The following CHRNB4 variants were observed in gnomAD, a reference collection of about 807,000 sequenced individuals.
CHRNB4 encodes the protein neuronal acetylcholine receptor subunit beta-4.
A neutral mutation model predicts 40.4 loss-of-function variants in CHRNB4; 23 were observed. The observed-to-expected ratio is 0.57, with a 90% CI of 0.41 to 0.81. CHRNB4 has a LOEUF of 0.81. Ranked by LOEUF, CHRNB4 falls within the 30% of genes least tolerant of loss-of-function variation. The pLI is 0.00. For synonymous variants in CHRNB4, 285 were observed against 274.4 expected, an observed-to-expected ratio of 1.04 and a Z score of -0.38; for missense variants, 568 against 670.6, an observed-to-expected ratio of 0.85 and a Z score of 1.69.
At chr15:78,658,028 CTTTTTTTTTTTT>C (rs71448810) in intron 2 of CHRNB4, among the ~76,000 whole-genome samples, 17 of 90,512 alleles carry the variant, frequency 1.9e-4, no homozygotes, top group Admixed American at 1.5e-3. Flanking sequence ...TCTTGTTTCT[CTTTTTTTTTTTT>C]TTTTTTTTTT....
intron 3 of CHRNB4, among the ~76,000 whole-genome samples, chr15:78,657,109 C>T (rs2054220926): frequency 6.6e-6 from 1 of 151,940 alleles, no homozygotes; most frequent in South Asian, 2.1e-4. Flanking sequence ...ACTGTAACCT[C>T]TGCCTCCTAG....
chr15:78,648,901 C>T (rs1234251698), intron 7 of CHRNB4, among the ~76,000 whole-genome samples: 1 of 152,138 alleles, frequency 6.6e-6, no homozygotes, highest in Non-Finnish European at 1.5e-5. Flanking sequence ...ACCTCAGCCT[C>T]CCAAGTAGCT....
At chr15:78,630,002 G>C in intron 4 of CHRNB4, 57 bp from the exon 5 acceptor site, 1 of 1,497,970 alleles carries the variant, frequency 6.7e-7, no homozygotes, top group Non-Finnish European at 8.8e-7. Context: ...AACCTGGCCT[G>C]TTCTCAGAAC....
intron 1 of CHRNB4, among the ~76,000 whole-genome samples, chr15:78,640,451 G>A (rs2054045563): frequency 6.6e-6 from 1 of 152,242 alleles, no homozygotes. Flanking sequence ...GGTGACCAGA[G>A]GCAGCGGTGC....
At chr15:78,648,238 A>G (rs2054142414) in intron 7 of CHRNB4, among the ~76,000 whole-genome samples, 1 of 151,294 alleles carries the variant, frequency 6.6e-6, no homozygotes, top group Non-Finnish European at 1.5e-5. Flanking sequence ...CTAAAAATAC[A>G]AAAAATTAGC....
At chr15:78,634,129 T>G (rs574372240) in intron 2 of CHRNB4, among the ~76,000 whole-genome samples, 2 of 152,152 alleles carry the variant, frequency 1.3e-5, no homozygotes, top group Non-Finnish European at 2.9e-5. Context: ...ACCCACAACC[T>G]AATATTTACT....
intron 5 of CHRNB4, chr15:78,655,472 C>CTA (rs908391237): frequency 6.7e-6 from 1 of 148,192 alleles, no homozygotes; most frequent in African/African-American, 2.5e-5. Flanking sequence ...ATATCTATAT[C>CTA]TATATATATC....
intron 1 of CHRNB4, among the ~76,000 whole-genome samples, chr15:78,639,124 A>G (rs905595242): frequency 6.6e-6 from 1 of 152,234 alleles, no homozygotes; most frequent in Admixed American, 6.5e-5. Context: ...TTTGTATTGA[A>G]AAAATGGAAA....
intron 1 of CHRNB4, among the ~76,000 whole-genome samples, chr15:78,640,492 C>T (rs1006594527): frequency 4.6e-5 from 7 of 152,358 alleles, no homozygotes; most frequent in Admixed American, 1.3e-4. Flanking sequence ...AGATCCACCC[C>T]CAAAGCACAA....
chr15:78,628,521 A>C (rs369447822), intron 5 of CHRNB4, among the ~76,000 whole-genome samples: 12 of 152,148 alleles, frequency 7.9e-5, no homozygotes, highest in African/African-American at 2.9e-4. Flanking sequence ...TCCTTTAGGG[A>C]ATGGGGGCTG....
chr15:78,632,713 A>T (rs1294148917), intron 2 of CHRNB4, among the ~76,000 whole-genome samples: 1 of 152,168 alleles, frequency 6.6e-6, no homozygotes, highest in Non-Finnish European at 1.5e-5. Flanking sequence ...TGAGAAAATA[A>T]GGCAGATAGA....
intron 2 of CHRNB4, among the ~76,000 whole-genome samples, chr15:78,657,585 A>G (rs1210302747): frequency 6.6e-6 from 1 of 150,686 alleles, no homozygotes; most frequent in Non-Finnish European, 1.5e-5. Context: ...ACGGAGTCTC[A>G]CTCTGTCACC....
chr15:78,659,924 A>G (rs755477823), intron 1 of CHRNB4, among the ~76,000 whole-genome samples: 5 of 152,078 alleles, frequency 3.3e-5, no homozygotes, highest in Non-Finnish European at 5.9e-5. Flanking sequence ...GCTAGAGATG[A>G]TGATGGGTGC....
chr15:78,630,324 G>C (rs2053776288), intron 4 of CHRNB4, among the ~76,000 whole-genome samples: 2 of 151,918 alleles, frequency 1.3e-5, no homozygotes, highest in Admixed American at 1.3e-4. Context: ...TTTTAGTAGA[G>C]ACGGGGTTTC....
intron 6 of CHRNB4, among the ~76,000 whole-genome samples, chr15:78,651,342 G>A (rs1162757127): frequency 6.6e-6 from 1 of 152,242 alleles, no homozygotes; most frequent in East Asian, 1.9e-4. Context: ...GACAGATGTA[G>A]TGGTGCTGGC....
upstream of CHRNB4, chr15:78,641,333 C>T (rs904574702): frequency 2.0e-6 from 1 of 497,430 alleles, no homozygotes; most frequent in African/African-American, 2.1e-5. Context: ...CCCCGACGCC[C>T]CCTGGGTGGT....
At chr15:78,643,822 C>T (rs2089797488), upstream of CHRNB4, among the ~76,000 whole-genome samples, 2 of 151,974 alleles carry the variant, frequency 1.3e-5, no homozygotes, top group African/African-American at 4.8e-5. Flanking sequence ...CATTCCTATA[C>T]ATCAGTAATA....
upstream of CHRNB4, chr15:78,641,248 C>A (rs953847536): frequency 3.9e-5 from 38 of 969,830 alleles, no homozygotes; most frequent in Non-Finnish European, 5.1e-5. Flanking sequence ...GCTGGCGGGG[C>A]GGCGCTCACT....
intron 1 of CHRNB4, among the ~76,000 whole-genome samples, chr15:78,637,086 C>G (rs1231809926): frequency 1.3e-5 from 2 of 152,206 alleles, no homozygotes; most frequent in Non-Finnish European, 2.9e-5. Context: ...CAGCTGGCAG[C>G]TGGCTCCTCA....
Sources: gnomAD v4.1 joint callset for allele counts (sites outside exome capture counted in the v4.1 genomes callset) on GRCh38, gnomAD v4.1.1 for gene constraint, MANE v1.5 for transcripts, NCBI Gene and HGNC (gene_info 2026-07-23, HGNC 2026-07-21) for gene names.